The following ZNF680 variants were observed in gnomAD, a reference collection of about 807,000 sequenced individuals.
ZNF680 encodes hypothetical protein FLJ90430.
A neutral mutation model predicts 12.1 loss-of-function variants in ZNF680; 6 were observed. The observed-to-expected ratio is 0.49, with a 90% CI of 0.27 to 0.98. The LOEUF (loss-of-function observed/expected upper bound fraction) is 0.98, where lower values mean the gene tolerates loss of function less well. Ranked by LOEUF, ZNF680 falls within the 50% of genes least tolerant of loss-of-function variation. ZNF680 has a pLI of 0.12. For missense variants in ZNF680, 561 were observed against 616.3 expected (o/e 0.91, Z 0.95); for synonymous variants, 170 against 199.3 (o/e 0.85, Z 1.24).
At chr7:64,553,908 G>C (rs1302159360) in intron 1 of ZNF680, among the ~76,000 whole-genome samples, 1 of 152,170 alleles carries the variant, frequency 6.6e-6, no homozygotes, top group Non-Finnish European at 1.5e-5. Flanking sequence ...CCAGGCTGGA[G>C]TGCAGTGGCG....
chr7:64,553,854 C>G (rs943026935), intron 1 of ZNF680, among the ~76,000 whole-genome samples: 1 of 152,194 alleles, frequency 6.6e-6, no homozygotes, highest in African/African-American at 2.4e-5. Context: ...CCCGAGGTGC[C>G]GGGATTGCAG....
At chr7:64,562,670 G>A (rs1364532883) in intron 1 of ZNF680, among the ~76,000 whole-genome samples, 1 of 152,246 alleles carries the variant, frequency 6.6e-6, no homozygotes, top group Non-Finnish European at 1.5e-5. Flanking sequence ...CACTGCGGGT[G>A]CAGAGCTGCC....
At chr7:64,559,557 T>A (rs1453294548) in intron 1 of ZNF680, among the ~76,000 whole-genome samples, 1 of 152,066 alleles carries the variant, frequency 6.6e-6, no homozygotes, top group Non-Finnish European at 1.5e-5. Flanking sequence ...CTCAGCTCAC[T>A]GCAACCTCTA....
At chr7:64,527,099 G>A (rs1791898456) in intron 3 of ZNF680, among the ~76,000 whole-genome samples, 1 of 152,148 alleles carries the variant, frequency 6.6e-6, no homozygotes, top group African/African-American at 2.4e-5. Flanking sequence ...TTAACTGGGT[G>A]TGGTGGCAGG....
chr7:64,547,560 A>G (rs2116506766), intron 1 of ZNF680, among the ~76,000 whole-genome samples: 1 of 152,348 alleles, frequency 6.6e-6, no homozygotes, highest in Non-Finnish European at 1.5e-5. Context: ...GGGAGTTGGT[A>G]TGAGGTGTTC....
In ZNF680 at chr7:64,521,662, G is replaced by C; in HGVS notation, c.1092C>G (p.Asn364Lys). 2 of 1,612,354 alleles carry C rather than the reference G, an allele frequency of 1.2e-6. No homozygotes were observed. The highest frequency in any genetic ancestry group is 1.7e-6 in the Non-Finnish European group (2 of 1,179,736). Residue 364 changes from asparagine (N) to lysine (K), a missense_variant, in exon 4 of 4, where the codon AAC (asparagine) becomes AAG (lysine). By Grantham distance (94) the Asn-to-Lys change is moderately conservative. Coordinates refer to ENST00000309683, the MANE Select transcript of ZNF680 (RefSeq NM_178558.5). The stretch of plus-strand genomic sequence containing the variant: ...TATGAATTTTCTTATGTCTAGTAAG[G>C]TTTGCAAACTGGTTAAAAGCTTTGC... ...ECGKAFNQFANLTRHKKIHTG... is the reference protein window; with the variant it reads ...ECGKAFNQFAKLTRHKKIHTG...
At chr7:64,500,063 T>C in the ZNF680 span, among the ~76,000 whole-genome samples, 1 of 152,138 alleles carries the variant, frequency 6.6e-6, no homozygotes, top group Non-Finnish European at 1.5e-5. Context: ...AAATTTTTAG[T>C]CTGTAAAAGA....
the ZNF680 span, among the ~76,000 whole-genome samples, chr7:64,505,208 T>C: frequency 6.6e-6 from 1 of 152,266 alleles, no homozygotes; most frequent in South Asian, 2.1e-4. Flanking sequence ...TGAAAAAATG[T>C]GGTTTTGATT....
At chr7:64,519,769 T>C (rs1431955384), downstream of ZNF680, 1 of 151,808 alleles carries the variant, frequency 6.6e-6, no homozygotes, top group African/African-American at 2.4e-5. Flanking sequence ...AAGATTAACA[T>C]CTCATGACCA....
At chr7:64,537,854 C>T (rs201458936) in intron 3 of ZNF680, among the ~76,000 whole-genome samples, 3 of 151,862 alleles carry the variant, frequency 2.0e-5, no homozygotes, top group African/African-American at 4.8e-5. Context: ...GACGTGAACC[C>T]GGGAGGCAGA....
chr7:64,501,924 TAA>T, the ZNF680 span, among the ~76,000 whole-genome samples: 1 of 152,062 alleles, frequency 6.6e-6, no homozygotes, highest in Non-Finnish European at 1.5e-5. Flanking sequence ...GTAGTTTTGT[TAA>T]GTCTTACCCT....
intron 1 of ZNF680, among the ~76,000 whole-genome samples, chr7:64,553,368 A>T (rs1385797046): frequency 6.6e-6 from 1 of 151,966 alleles, no homozygotes; most frequent in African/African-American, 2.4e-5. Context: ...GATGAGGATA[A>T]TAGCCTTAAT....
intron 3 of ZNF680, chr7:64,524,585 T>C (rs538748765): frequency 1.3e-5 from 2 of 152,300 alleles, no homozygotes; most frequent in African/African-American, 4.8e-5. Context: ...ATAATTATAG[T>C]AGAATATTTT....
At chr7:64,526,692 C>A (rs1791866594) in intron 3 of ZNF680, among the ~76,000 whole-genome samples, 1 of 151,974 alleles carries the variant, frequency 6.6e-6, no homozygotes, top group South Asian at 2.1e-4. Context: ...TAAAGTTATT[C>A]TATATGAGAA....
Position 64,521,145 on chromosome 7 carries a change from T to C in ZNF680, c.*16A>G. On this transcript the variant is annotated 3_prime_UTR_variant, in exon 4 of 4. Coordinates refer to ENST00000309683, the MANE Select transcript of ZNF680 (RefSeq NM_178558.5). ...GGTTTCTCAACAGGATGGTGTCTTT[T>C]ATGTTTAGAAAAGTTTTAGGTGTTA... 1 of 1,587,304 alleles carries C rather than the reference T, an allele frequency of 6.3e-7. No homozygotes were observed. The highest frequency in any genetic ancestry group is 8.6e-7 in the Non-Finnish European group (1 of 1,168,594).
intron 1 of ZNF680, among the ~76,000 whole-genome samples, chr7:64,547,456 C>T (rs966352333): frequency 1.3e-5 from 2 of 152,160 alleles, no homozygotes; most frequent in Non-Finnish European, 2.9e-5. Flanking sequence ...CATGTACTAG[C>T]GTAACGTTTA....
intron 3 of ZNF680, chr7:64,525,821 T>A (rs960353522): frequency 6.1e-6 from 6 of 984,166 alleles, no homozygotes; most frequent in Non-Finnish European, 7.2e-6. Context: ...AGAATTTCTA[T>A]GACTTCTCAC....
the ZNF680 span, among the ~76,000 whole-genome samples, chr7:64,499,629 G>A: frequency 6.6e-6 from 1 of 152,078 alleles, no homozygotes; most frequent in Non-Finnish European, 1.5e-5. Flanking sequence ...TGGTGTGCGC[G>A]CCTGCTCGGG....
chr7:64,549,853 C>T (rs1275191627), intron 1 of ZNF680, among the ~76,000 whole-genome samples: 3 of 151,970 alleles, frequency 2.0e-5, no homozygotes, highest in Non-Finnish European at 2.9e-5. Context: ...CGTGGTGGCA[C>T]GTGCCTGTAA....
Sources: allele counts gnomAD v4.1 joint callset (sites outside exome capture counted in the v4.1 genomes callset), GRCh38; gene constraint gnomAD v4.1.1; transcripts MANE v1.5; gene names NCBI Gene and HGNC (gene_info 2026-07-23, HGNC 2026-07-21).